Variants in LDLRAD4 observed in about 807,000 individuals in gnomAD.
LDLRAD4 encodes the protein low-density lipoprotein receptor class A domain-containing protein 4.
LDLRAD4 carries 5 observed loss-of-function variants against 17.0 expected under a neutral mutation model. The observed-to-expected ratio is 0.29, with a 90% confidence interval of 0.15 to 0.62. LDLRAD4 has a LOEUF of 0.62. Among genes scored for constraint, LDLRAD4 ranks in the 20% least tolerant of loss-of-function variants. The pLI, the probability that LDLRAD4 is intolerant of heterozygous loss-of-function variation, is 0.84. For missense variants in LDLRAD4, 340 were observed against 424.7 expected (o/e 0.80, Z 1.75); for synonymous variants, 168 against 171.8 (o/e 0.98, Z 0.17).
At chr18:13,341,384 G>T (rs2082365999) in intron 1 of LDLRAD4, among the ~76,000 whole-genome samples, 1 of 151,696 alleles carries the variant, frequency 6.6e-6, no homozygotes, top group South Asian at 2.1e-4. Context: ...TTTATTAATT[G>T]GTGTTTTCTT....
At chr18:13,414,453 C>T (rs2088682685) in intron 2 of LDLRAD4, among the ~76,000 whole-genome samples, 1 of 152,240 alleles carries the variant, frequency 6.6e-6, no homozygotes, top group Non-Finnish European at 1.5e-5. Context: ...GACCCAGACA[C>T]TGGAGTGCAT....
chr18:13,364,278 C>T (rs574697967), intron 1 of LDLRAD4, among the ~76,000 whole-genome samples: 2 of 152,228 alleles, frequency 1.3e-5, no homozygotes, highest in African/African-American at 4.8e-5. Context: ...TTTTTTCCCA[C>T]AGTGAACATC....
At position 13,425,375 on chromosome 18, in the gene LDLRAD4, A is replaced by C. The variant is rs375617160; in HGVS notation, c.41-12869A>C. Among the ~76,000 whole-genome samples, 6 of 152,322 alleles carry C rather than the reference A, an allele frequency of 3.9e-5. 1 individual carries two copies. The highest frequency in any genetic ancestry group is 6.5e-5 in the Admixed American group (1 of 15,304). On this transcript the variant is annotated intron_variant, in intron 2 of 5. Transcript: ENST00000359446. ...TACTTTCAGTGTGCATTTTGGGACT[A>C]AGCTTCTGGGTTACATTTGTCTCAT...
At chr18:13,436,492 T>C (rs920055962) in intron 2 of LDLRAD4, among the ~76,000 whole-genome samples, 2 of 152,236 alleles carry the variant, frequency 1.3e-5, no homozygotes, top group East Asian at 3.8e-4. Context: ...AAGAGTTTGA[T>C]TCAATTCAGA....
At chr18:13,615,859 C>G (rs2040018488) in intron 3 of LDLRAD4, 1 of 152,258 alleles carries the variant, frequency 6.6e-6, no homozygotes, top group African/African-American at 2.4e-5. Flanking sequence ...GCCCTGCTTT[C>G]TAGCACTCTT....
At chr18:13,230,124 G>C (rs139078173) in intron 1 of LDLRAD4, among the ~76,000 whole-genome samples, 2 of 152,170 alleles carry the variant, frequency 1.3e-5, no homozygotes, top group Admixed American at 6.5e-5. Flanking sequence ...AACAGAGGCC[G>C]GAGGAGCTTG....
At chr18:13,624,186 C>A (rs1303383107) in intron 4 of LDLRAD4, among the ~76,000 whole-genome samples, 1 of 103,970 alleles carries the variant, frequency 9.6e-6, no homozygotes, top group African/African-American at 6.7e-5. Context: ...CCGGACCCAC[C>A]AGGTGCTGAG....
chr18:13,572,125 C>G (rs2094700838), intron 3 of LDLRAD4, among the ~76,000 whole-genome samples: 1 of 152,168 alleles, frequency 6.6e-6, no homozygotes, highest in South Asian at 2.1e-4. Flanking sequence ...TTGAAGGAAA[C>G]AGCGTTACCC....
intron 1 of LDLRAD4, among the ~76,000 whole-genome samples, chr18:13,230,479 A>G (rs964189303): frequency 1.3e-5 from 2 of 152,254 alleles, no homozygotes; most frequent in Non-Finnish European, 2.9e-5. Context: ...TTATGTGTAC[A>G]ATGTACTATT....
chr18:13,442,337 A>G (rs1286313342), intron 3 of LDLRAD4, among the ~76,000 whole-genome samples: 1 of 152,178 alleles, frequency 6.6e-6, no homozygotes, highest in Non-Finnish European at 1.5e-5. Flanking sequence ...TTCGTAGTTC[A>G]GGGGATAGAG....
intron 3 of LDLRAD4, among the ~76,000 whole-genome samples, chr18:13,479,347 G>A (rs1410362921): frequency 1.3e-5 from 2 of 152,254 alleles, no homozygotes; most frequent in African/African-American, 2.4e-5. Context: ...AGGGCTGGGT[G>A]CAGTGGCCGA....
At chr18:13,628,361 C>G (rs746968514) in intron 4 of LDLRAD4, among the ~76,000 whole-genome samples, 19 of 152,190 alleles carry the variant, frequency 1.2e-4, no homozygotes, top group Non-Finnish European at 2.4e-4. Context: ...TCCCTGCAGG[C>G]AAGGCAGACC....
chr18:13,279,455 CA>C (rs1354148118), intron 1 of LDLRAD4: 1 of 152,218 alleles, frequency 6.6e-6, no homozygotes, highest in African/African-American at 2.4e-5. Flanking sequence ...ATACAGTTGC[CA>C]TTGAATTGAC....
intron 4 of LDLRAD4, among the ~76,000 whole-genome samples, chr18:13,642,928 GTTTTTTTT>G (rs113846373): frequency 0.03 from 3,964 of 133,830 alleles, 117 homozygotes; most frequent in African/African-American, 0.084. Context: ...TCTATTTTTT[GTTTTTTTT>G]TTTTCTTCTG....
chr18:13,307,435 A>G (rs909473855), intron 1 of LDLRAD4, among the ~76,000 whole-genome samples: 1 of 152,194 alleles, frequency 6.6e-6, no homozygotes, highest in Non-Finnish European at 1.5e-5. Context: ...AAATTTTTTA[A>G]GAGACAGGGT....
At chr18:13,515,045 A>G (rs543918092) in intron 3 of LDLRAD4, 4 of 152,164 alleles carry the variant, frequency 2.6e-5, no homozygotes, top group Non-Finnish European at 5.9e-5. Flanking sequence ...TTCTTTGTGG[A>G]CATTTTGCTA....
chr18:13,450,325 C>CA (rs58900268), intron 3 of LDLRAD4, among the ~76,000 whole-genome samples: 29,371 of 89,622 alleles, frequency 0.33, 4,356 homozygotes, highest in East Asian at 0.52. Flanking sequence ...TCTCTCCCCC[C>CA]ACCCCCCCCC....
intron 3 of LDLRAD4, among the ~76,000 whole-genome samples, chr18:13,530,385 GAGATGATGGGGTCATC>G (rs1384477804): frequency 6.6e-6 from 1 of 152,242 alleles, no homozygotes; most frequent in African/African-American, 2.4e-5. Flanking sequence ...AGTCTTAGAG[GAGATGATGGGGTCATC>G]AGTCTGTTTC....
chr18:13,494,673 A>ATTATATT (rs369486762), intron 3 of LDLRAD4, among the ~76,000 whole-genome samples: 1 of 17,334 alleles, frequency 5.8e-5, no homozygotes, highest in African/African-American at 2.3e-4. Context: ...CATATTTAAT[A>ATTATATT]ATATAATATA....
Sources: allele counts gnomAD v4.1 joint callset (sites outside exome capture counted in the v4.1 genomes callset), GRCh38; gene constraint gnomAD v4.1.1; transcripts MANE v1.5; gene names NCBI Gene and HGNC (gene_info 2026-07-23, HGNC 2026-07-21).